GOLGB1: variants seen among roughly 807,000 people sequenced by gnomAD.
GOLGB1 encodes golgin B1.
In GOLGB1, 174 loss-of-function variants were observed where a neutral mutation model predicts 336.9. That is an observed-to-expected ratio of 0.52 (90% confidence interval 0.46 to 0.59). The LOEUF (loss-of-function observed/expected upper bound fraction) is 0.59. Among genes scored for constraint, GOLGB1 ranks in the 20% least tolerant of loss-of-function variants. The probability of loss-of-function intolerance (pLI) is 0.00; values close to 1 mark genes in which losing one functional copy is unlikely to be tolerated. For synonymous variants in GOLGB1, 1,208 were observed against 1,289.2 expected, an observed-to-expected ratio of 0.94 and a Z score of 1.35; for missense variants, 3,331 against 3,645.3, an observed-to-expected ratio of 0.91 and a Z score of 2.22.
rs1475181075 is a variant in GOLGB1, at chr3:121,694,513, T to C, written c.6010A>G (p.Lys2004Glu). The change falls in exon 13 of 22, where the codon AAA becomes GAA. Residue 2004 changes from lysine to glutamate, a missense_variant. Lys to Glu is a moderately conservative substitution (Grantham distance 56). Coordinates refer to ENST00000614479, the MANE Select transcript of GOLGB1 (RefSeq NM_001366282.2). The part of the protein sequence containing the change: ...EYLEKIQGAQ[K>E]EPGNKSHAKE... Reference sequence around the variant, plus strand: ...GCATGGCTTTTATTTCCGGGTTCTTTCTGAGCACCTTGTATTTTCTCCAAA... The same window carrying C: ...GCATGGCTTTTATTTCCGGGTTCTTCCTGAGCACCTTGTATTTTCTCCAAA... 3 of 1,612,148 alleles carry C rather than the reference T, an allele frequency of 1.9e-6. No individual in the cohort carries two copies. In the African/African-American group the frequency reaches 4.0e-5, roughly 22 times the overall value.
rs1303024043 is a variant in GOLGB1 at position 121,729,184 on chromosome 3, A to G, written c.402+4T>C. The G allele has an allele frequency of 3.1e-6, 5 of 1,601,250 alleles. No individual in the cohort carries two copies. In the Admixed American group the frequency reaches 8.7e-5, roughly 28 times the overall value. ...GAAATATACACTACACCCAGTCACC[A>G]TACCTTGGAAAGTTGCTCCTCTGAC... is the stretch of plus-strand genomic sequence containing the variant. On this transcript the variant is annotated splice_donor_region_variant and intron_variant, in intron 4 of 21. Coordinates refer to ENST00000614479, the MANE Select transcript of GOLGB1 (RefSeq NM_001366282.2).
At position 121,693,992 on chromosome 3, in the gene GOLGB1, T is replaced by C. The variant is rs1282818097; in HGVS notation, c.6531A>G (p.Glu2177=). The C allele has an allele frequency of 1.2e-6, 2 of 1,614,188 alleles. No individual in the cohort carries two copies. Among genetic ancestry groups the C allele is most frequent in the Admixed American group, 1.7e-5 (1 of 60,032 alleles). ...CCAAGTTTTCCTGAAGTTGCTGAAC[T>C]TCCTTGTCTTTCTTGTTCAAAGTAA... ...IQVTLNKKDK[E]VQQLQENLDS... is the part of the protein sequence containing the mutation. Residue 2177 remains glutamate, a synonymous_variant, in exon 13 of 22, where the codon GAA becomes GAG. Transcript: ENST00000614479.
At chr3:121,719,608 C>A in intron 7 of GOLGB1, 38 bp downstream of exon 7, 1 of 1,548,814 alleles carries the variant, frequency 6.5e-7, no homozygotes, top group South Asian at 1.2e-5. Context: ...AAATATTAAC[C>A]AAAATGACAG....
intron 17 of GOLGB1, among the ~76,000 whole-genome samples, chr3:121,674,456 A>G (rs964359714): frequency 6.6e-6 from 1 of 152,230 alleles, no homozygotes; most frequent in African/African-American, 2.4e-5. Context: ...ATGCTATATA[A>G]ATAGTTGTTA....
chr3:121,706,264 C>A (rs1943812383), intron 10 of GOLGB1, among the ~76,000 whole-genome samples: 1 of 151,912 alleles, frequency 6.6e-6, no homozygotes, highest in African/African-American at 2.4e-5. Flanking sequence ...TTGACTAATT[C>A]ACGGCAGAAA....
At chr3:121,688,479 C>T (rs1942016947) in intron 14 of GOLGB1, among the ~76,000 whole-genome samples, 1 of 152,206 alleles carries the variant, frequency 6.6e-6, no homozygotes, top group African/African-American at 2.4e-5. Context: ...GAGTCTGGTT[C>T]ACTCAGTGCT....
At chr3:121,738,452 G>A (rs1359850384) in intron 1 of GOLGB1, among the ~76,000 whole-genome samples, 1 of 152,158 alleles carries the variant, frequency 6.6e-6, no homozygotes, top group Admixed American at 6.5e-5. Flanking sequence ...TAGACAAACC[G>A]CCAATAGTCA....
intron 16 of GOLGB1, 100 bp downstream of exon 16, chr3:121,677,185 C>T: frequency 8.2e-7 from 1 of 1,222,818 alleles, no homozygotes; most frequent in Non-Finnish European, 1.2e-6. Flanking sequence ...GAAGCTGATG[C>T]TTTCTGGGTA....
In GOLGB1 at chr3:121,716,763, G is replaced by A; in HGVS notation, c.1262C>T (p.Ser421Leu). The change falls in exon 9 of 22, where the codon TCA becomes TTA. Residue 421 changes from serine (S) to leucine (L), a missense_variant. By Grantham distance (145) the Ser-to-Leu change is moderately radical. Coordinates refer to ENST00000614479, the MANE Select transcript of GOLGB1 (RefSeq NM_001366282.2). ...TTCCAGTTGCTGAATGGTCTGGGCTGACTGAACTGCTTGCTCATTCTTATC... is the reference window on the plus strand; with the variant it reads ...TTCCAGTTGCTGAATGGTCTGGGCTAACTGAACTGCTTGCTCATTCTTATC... ...LQDKNEQAVQ[S>L]AQTIQQLEDQ... 1 of 1,613,548 alleles carries A rather than the reference G, an allele frequency of 6.2e-7. No individual in the cohort carries two copies. The highest frequency in any genetic ancestry group is 8.5e-7 in the Non-Finnish European group (1 of 1,179,594).
rs1042159060 is a variant in GOLGB1 at position 121,690,731 on chromosome 3, G to A, written c.8633C>T (p.Pro2878Leu). Residue 2878 changes from proline to leucine, a missense_variant, in exon 14 of 22, where the codon CCA (proline) becomes CTA (leucine). Coordinates refer to ENST00000614479, the MANE Select transcript of GOLGB1 (RefSeq NM_001366282.2). ...QRSAAQPSTS[P>L]AEVQSLKKAM... ...TTTTTTTAAACTCTGTACTTCAGCT[G>A]GGCTGGTGGAAGGCTGAGCTGCAGA... 6.5e-7 allele frequency: 1 copy of A among 1,545,178 alleles called. No homozygotes were observed. The highest frequency in any genetic ancestry group is 1.4e-5 in the African/African-American group (1 of 72,376).
chr3:121,733,055 A>G lies in GOLGB1; in HGVS notation c.-2-2082T>C, dbSNP rs371184113. Among the ~76,000 whole-genome samples the G allele has an allele frequency of 2.4e-3, 367 of 152,196 alleles. 3 individuals carry two copies. The highest frequency in any genetic ancestry group is 6.4e-3 in the South Asian group (31 of 4,822). On this transcript the variant is annotated intron_variant, in intron 1 of 21. Transcript: ENST00000614479. ...AAGTCAACTGCAGGCCAGGTGCGGTAGCTCACGCCTGTAATCCCAGCACTT... is the reference window on the plus strand; with the variant it reads ...AAGTCAACTGCAGGCCAGGTGCGGTGGCTCACGCCTGTAATCCCAGCACTT...
intron 18 of GOLGB1, chr3:121,668,471 A>G (rs1938994367): frequency 1.1e-5 from 2 of 178,638 alleles, no homozygotes; most frequent in Non-Finnish European, 2.4e-5. Context: ...TCAGGAGTTC[A>G]AGACCAGCCT....
At chr3:121,673,587 T>A (rs968125874) in intron 17 of GOLGB1, among the ~76,000 whole-genome samples, 7 of 152,220 alleles carry the variant, frequency 4.6e-5, no homozygotes, top group African/African-American at 1.7e-4. Context: ...TTTAGTGTCC[T>A]CTTCAATTTC....
chr3:121,738,308 C>G (rs557286497), intron 1 of GOLGB1, among the ~76,000 whole-genome samples: 3 of 152,272 alleles, frequency 2.0e-5, no homozygotes. Flanking sequence ...GCAAGGGGCC[C>G]CATGGATTTT....
At chr3:121,741,971 G>A (rs1189877213) in intron 1 of GOLGB1, among the ~76,000 whole-genome samples, 1 of 152,048 alleles carries the variant, frequency 6.6e-6, no homozygotes, top group African/African-American at 2.4e-5. Flanking sequence ...AAAGGACACA[G>A]GTTCCCATTG....
intron 1 of GOLGB1, among the ~76,000 whole-genome samples, chr3:121,740,543 C>T (rs1046998084): frequency 6.6e-6 from 1 of 152,110 alleles, no homozygotes; most frequent in Non-Finnish European, 1.5e-5. Context: ...TAATTTTGTA[C>T]ACTGCTAATG....
chr3:121,727,699 T>C (rs1560309034), intron 4 of GOLGB1, among the ~76,000 whole-genome samples: 1 of 151,994 alleles, frequency 6.6e-6, no homozygotes, highest in Non-Finnish European at 1.5e-5. Context: ...AGCTCTCCCT[T>C]AGACTGAGAT....
intron 12 of GOLGB1, 92 bp from the exon 13 acceptor site, chr3:121,699,021 A>G (rs1012447351): frequency 4.4e-5 from 43 of 967,290 alleles, no homozygotes; most frequent in South Asian, 1.6e-4. Context: ...CATCTTCTAA[A>G]ACTTCAGACT....
chr3:121,682,202 TG>T (rs1322280378), intron 14 of GOLGB1, among the ~76,000 whole-genome samples: 3 of 152,198 alleles, frequency 2.0e-5, no homozygotes, highest in Non-Finnish European at 4.4e-5. Flanking sequence ...TCACTGTGGG[TG>T]GTCACATCCT....
Sources: gnomAD v4.1 joint callset for allele counts (sites outside exome capture counted in the v4.1 genomes callset) on GRCh38, gnomAD v4.1.1 for gene constraint, MANE v1.5 for transcripts, NCBI Gene and HGNC (gene_info 2026-07-23, HGNC 2026-07-21) for gene names.